TAX1BP3: variants seen among roughly 807,000 people sequenced by gnomAD.
TAX1BP3 encodes the protein tax1-binding protein 3.
Under a neutral mutation model 15.3 loss-of-function variants are expected in TAX1BP3, and 13 were observed. The observed-to-expected ratio is 0.85, with a 90% CI of 0.55 to 1.35. The LOEUF is 1.35. Among genes scored for constraint, TAX1BP3 ranks in the 40% most tolerant of loss-of-function variants. TAX1BP3 has a pLI of 0.00. For synonymous variants in TAX1BP3, 70 were observed against 66.0 expected, an observed-to-expected ratio of 1.06 and a Z score of -0.30; for missense variants, 147 against 169.6, an observed-to-expected ratio of 0.87 and a Z score of 0.74.
intron 1 of TAX1BP3, among the ~76,000 whole-genome samples, chr17:3,666,805 G>C (rs755844724): frequency 2.0e-5 from 3 of 152,150 alleles, no homozygotes; most frequent in African/African-American, 4.8e-5. Flanking sequence ...CGTGAGGGAG[G>C]GGGGCAGGAA....
At position 3,663,845 on chromosome 17, in the gene TAX1BP3, G is replaced by A. The variant is rs779234375; in HGVS notation, c.278C>T (p.Ala93Val). 1.9e-6 allele frequency: 3 copies of A among 1,609,536 alleles called. No homozygotes were observed. Among genetic ancestry groups the A allele is most frequent in the Admixed American group, 1.7e-5 (1 of 59,994 alleles). Residue 93 changes from alanine (A) to valine (V), a missense_variant, in exon 4 of 4, where the codon GCC becomes GTC. Ala to Val is a moderately conservative substitution (Grantham distance 64). Coordinates refer to ENST00000225525, the MANE Select transcript of TAX1BP3 (RefSeq NM_014604.4). ...CGAGCGCTTGGTGAGCCGCTTGCGGGCCTGGTCGTGTGTGACCATGGTCAT... is the reference window on the plus strand; with the variant it reads ...CGAGCGCTTGGTGAGCCGCTTGCGGACCTGGTCGTGTGTGACCATGGTCAT... ...WDMTMVTHDQ[A>V]RKRLTKRSEE...
intron 2 of TAX1BP3, 69 bp from the exon 3 acceptor site, chr17:3,664,341 A>C: frequency 6.4e-7 from 1 of 1,566,976 alleles, no homozygotes; most frequent in Non-Finnish European, 8.8e-7. Flanking sequence ...AGCGGAAGCC[A>C]GCATGGCACA....
Position 3,663,648 on chromosome 17 carries a change from TG to T in TAX1BP3, c.*99del, listed in dbSNP as rs2076306356. On this transcript the variant is annotated 3_prime_UTR_variant, in exon 4 of 4. Coordinates refer to ENST00000225525, the MANE Select transcript of TAX1BP3 (RefSeq NM_014604.4). The stretch of plus-strand genomic sequence containing the variant: ...GGGACCAGCTATAGCCCTTCTGAGC[TG>T]GGGCCCAGCGGTCAGCAGAAGCCAG... 1.3e-6 allele frequency: 2 copies of T among 1,486,166 alleles called. No individual in the cohort carries two copies. Among genetic ancestry groups the T allele is most frequent in the Non-Finnish European group, 1.8e-6 (2 of 1,116,866 alleles). 92.1% of individuals were successfully genotyped at this position (1,486,166 alleles called of 1,614,324 possible). A position where few individuals can be genotyped will look rare whatever the true frequency, so the allele number is the denominator to read the frequency against.
chr17:3,666,581 G>A (rs765923005), intron 1 of TAX1BP3, among the ~76,000 whole-genome samples: 3 of 152,132 alleles, frequency 2.0e-5, no homozygotes, highest in Non-Finnish European at 4.4e-5. Flanking sequence ...TGGAGCCAGG[G>A]TTCAGAAGAA....
chr17:3,666,064 T>TG (rs1326738631), intron 1 of TAX1BP3, among the ~76,000 whole-genome samples: 2 of 152,348 alleles, frequency 1.3e-5, no homozygotes, highest in South Asian at 2.1e-4. Context: ...TCAAAGCCCT[T>TG]GGCAAGCGCC....
intron 1 of TAX1BP3, chr17:3,665,815 C>T (rs1298268398): frequency 6.4e-6 from 4 of 627,298 alleles, no homozygotes; most frequent in Non-Finnish European, 2.8e-6. Flanking sequence ...CACAGGGTGC[C>T]GTGGATACGT....
intron 1 of TAX1BP3, among the ~76,000 whole-genome samples, chr17:3,665,030 T>C (rs1413684923): frequency 6.6e-6 from 1 of 152,172 alleles, no homozygotes; most frequent in African/African-American, 2.4e-5. Flanking sequence ...CTGTTAGTCT[T>C]AGGCACTAGT....
At chr17:3,665,129 G>T (rs898947307) in intron 1 of TAX1BP3, 1 of 758,274 alleles carries the variant, frequency 1.3e-6, no homozygotes, top group Non-Finnish European at 2.3e-6. Context: ...CACAGGAGGT[G>T]CTCTGGAAAA....
chr17:3,668,561 A>G lies in TAX1BP3; in HGVS notation c.-35T>C. 1 of 1,583,366 alleles carries G rather than the reference A, an allele frequency of 6.3e-7. No individual in the cohort carries two copies. Among genetic ancestry groups the G allele is most frequent in the Non-Finnish European group, 8.6e-7 (1 of 1,166,756 alleles). ...GCTCTGGTCGCCCAGCGCCGCTCCG[A>G]GAAGCCGGCAGCAGAGTACCCGCGG... is the stretch of plus-strand genomic sequence containing the variant. On this transcript the variant is annotated 5_prime_UTR_variant, in exon 1 of 4. Transcript: ENST00000225525. The surrounding 1 kb of genome is among the most constrained non-coding windows in gnomAD (Gnocchi z 4.1).
rs1476335349 is a variant in TAX1BP3, at chr17:3,664,778, C to T, written c.60G>A (p.Lys20=). The T allele has an allele frequency of 6.2e-7, 1 of 1,613,524 alleles. No individual in the cohort carries two copies. Among genetic ancestry groups the T allele is most frequent in the African/African-American group, 1.3e-5 (1 of 75,016 alleles). The change falls in exon 2 of 4, where the codon AAG becomes AAA. Residue 20 remains lysine (K), a synonymous_variant. Coordinates refer to ENST00000225525, the MANE Select transcript of TAX1BP3 (RefSeq NM_014604.4). The stretch of plus-strand genomic sequence containing the variant: ...GGATTAAGTTCTCACCTTGACGCAG[C>T]TTGTGAATTTCAACTCTTTGCTGGC... ...TAVVQRVEIH[K]LRQGENLILG... is the part of the protein sequence containing the mutation.
intron 2 of TAX1BP3, 124 bp downstream of exon 2, chr17:3,664,555 C>T (rs1453368735): frequency 7.2e-7 from 1 of 1,390,398 alleles, no homozygotes; most frequent in Non-Finnish European, 1.0e-6. Context: ...CTTCCGATGC[C>T]TTCTTAGAGA....
Position 3,668,344 on chromosome 17 carries a change from G to T in TAX1BP3, c.39+144C>A. On this transcript the variant is annotated intron_variant, in intron 1 of 3. Coordinates refer to ENST00000225525, the MANE Select transcript of TAX1BP3 (RefSeq NM_014604.4). This position sits in a 1 kb window ranked among gnomAD's most constrained non-coding sequence, Gnocchi z 4.1. ...GGCTGGGGGAACTGCGGCCCGCTCC[G>T]GCAAAGCGGGGACCCGAGCCCTTGC... 1 of 1,108,930 alleles carries T rather than the reference G, an allele frequency of 9.0e-7. No homozygotes were observed. Among genetic ancestry groups the T allele is most frequent in the Non-Finnish European group, 1.2e-6 (1 of 802,082 alleles). The allele number at this position is 1,108,930 out of a possible 1,614,324, so 68.7% of individuals were successfully genotyped here. A position where few individuals can be genotyped will look rare whatever the true frequency, so the allele number is the denominator to read the frequency against.
chr17:3,664,502 GC>G, intron 2 of TAX1BP3, 176 bp downstream of exon 2: 4 of 1,016,804 alleles, frequency 3.9e-6, no homozygotes, highest in Non-Finnish European at 5.9e-6. Context: ...CTCTGTCTGA[GC>G]AGCCCTTCCT....
chr17:3,664,751 C>T lies in TAX1BP3; in HGVS notation c.87G>A (p.Leu29=), dbSNP rs962829415. The change falls in exon 2 of 4, where the codon CTG becomes CTA. Residue 29 remains leucine, a synonymous_variant. Transcript: ENST00000225525. ...HKLRQGENLI[L]GFSIGGGIDQ... ...CGATTCCACCTCCAATGCTGAAACC[C>T]AGGATTAAGTTCTCACCTTGACGCA... 1.2e-6 allele frequency: 2 copies of T among 1,613,866 alleles called. No homozygotes were observed. The highest frequency in any genetic ancestry group is 1.7e-5 in the Admixed American group (1 of 60,028).
Position 3,663,589 on chromosome 17 carries a change from T to C in TAX1BP3, c.*159A>G. 6.6e-6 allele frequency: 7 copies of C among 1,066,826 alleles called. No homozygotes were observed. The highest frequency in any genetic ancestry group is 7.6e-6 in the Non-Finnish European group (6 of 787,428). The allele number at this position is 1,066,826 out of a possible 1,614,324, so 66.1% of individuals were successfully genotyped here. A position where few individuals can be genotyped will look rare whatever the true frequency, so the allele number is the denominator to read the frequency against. ...GGTCCCAGAGGCCCCAGGCCAGGGA[T>C]GGGAGAAGGGAAGGAAGGCCAGGCC... is the stretch of plus-strand genomic sequence containing the variant. On this transcript the variant is annotated 3_prime_UTR_variant, in exon 4 of 4. Coordinates refer to ENST00000225525, the MANE Select transcript of TAX1BP3 (RefSeq NM_014604.4).
In TAX1BP3 at chr17:3,662,928, C is replaced by G. The variant is rs563211649; in HGVS notation, c.*820G>C. 2.6e-5 allele frequency: 4 copies of G among 152,304 alleles called. No homozygotes were observed. Among genetic ancestry groups the G allele is most frequent in the African/African-American group, 9.6e-5 (4 of 41,562 alleles). The allele number at this position is 152,304 out of a possible 1,614,324, so 9.4% of individuals were successfully genotyped here. ...AGCATTTTTATTGAGCGCACCACAT[C>G]GGGGAGGGGCGGCAGTGGTTTCCAC... On this transcript the variant is annotated 3_prime_UTR_variant, in exon 4 of 4. Coordinates refer to ENST00000225525, the MANE Select transcript of TAX1BP3 (RefSeq NM_014604.4).
chr17:3,665,385 G>A lies in TAX1BP3; in HGVS notation c.40-587C>T. ...TGTTCAAAAAGGAATGCCCCACAAG[G>A]GTTACCATGGCAAAACTGGAAGAGT... is the stretch of plus-strand genomic sequence containing the variant. On this transcript the variant is annotated intron_variant, in intron 1 of 3. Transcript: ENST00000225525. The A allele has an allele frequency of 5.7e-6, 8 of 1,413,258 alleles. No homozygotes were observed. The South Asian group carries it at 8.0e-5, about 14-fold the overall frequency. The allele number at this position is 1,413,258 out of a possible 1,614,324, so 87.5% of individuals were successfully genotyped here.
At chr17:3,667,846 C>T (rs1170854489) in intron 1 of TAX1BP3, among the ~76,000 whole-genome samples, 2 of 152,236 alleles carry the variant, frequency 1.3e-5, no homozygotes, top group African/African-American at 4.8e-5. Context: ...CCTAGGCTAG[C>T]CCCCGGAGGG....
intron 2 of TAX1BP3, 113 bp downstream of exon 2, chr17:3,664,566 G>C: frequency 7.0e-7 from 1 of 1,437,898 alleles, no homozygotes; most frequent in Non-Finnish European, 9.7e-7. Context: ...TTCTTAGAGA[G>C]CATGGTTTGA....
Sources: allele counts gnomAD v4.1 joint callset (sites outside exome capture counted in the v4.1 genomes callset), GRCh38; gene constraint gnomAD v4.1.1; non-coding constraint Gnocchi (gnomAD v3.1); transcripts MANE v1.5; gene names NCBI Gene and HGNC (gene_info 2026-07-23, HGNC 2026-07-21).